Variants in KCNIP4 observed in about 807,000 individuals in gnomAD.
KCNIP4 encodes the protein Kv channel-interacting protein 4.
KCNIP4 carries 12 observed loss-of-function variants against 34.0 expected under a neutral mutation model. The ratio of observed to expected loss-of-function variants is 0.35; its 90% CI spans 0.23 to 0.57. The LOEUF (loss-of-function observed/expected upper bound fraction) is 0.57. Ranked by LOEUF, KCNIP4 falls within the 20% of genes least tolerant of loss-of-function variation. KCNIP4 has a pLI of 0.83. For missense variants in KCNIP4, 238 were observed against 311.7 expected (o/e 0.76, Z 1.78); for synonymous variants, 124 against 102.2 (o/e 1.21, Z -1.29).
chr4:20,853,525 A>G (rs2149486683), intron 2 of KCNIP4, among the ~76,000 whole-genome samples: 2 of 152,352 alleles, frequency 1.3e-5, no homozygotes, highest in African/African-American at 4.8e-5. Context: ...CTAAGACCAG[A>G]TACTGTAAAA....
chr4:21,753,920 C>T (rs1020694264), intron 1 of KCNIP4, among the ~76,000 whole-genome samples: 1 of 152,128 alleles, frequency 6.6e-6, no homozygotes, highest in Admixed American at 6.5e-5. Flanking sequence ...TACTGACCCC[C>T]TCCTCCTACT....
intron 1 of KCNIP4, among the ~76,000 whole-genome samples, chr4:21,004,826 T>C (rs1305876105): frequency 6.6e-6 from 1 of 152,098 alleles, no homozygotes; most frequent in East Asian, 1.9e-4. Context: ...AGCTGCAGAA[T>C]TGAAACAGGT....
At chr4:21,465,929 C>T (rs1729889562) in intron 1 of KCNIP4, among the ~76,000 whole-genome samples, 1 of 152,196 alleles carries the variant, frequency 6.6e-6, no homozygotes, top group Admixed American at 6.6e-5. Flanking sequence ...CGTGTATACT[C>T]TTCCCTGGAG....
chr4:20,984,225 C>G (rs1353677579), intron 1 of KCNIP4, among the ~76,000 whole-genome samples: 1 of 152,222 alleles, frequency 6.6e-6, no homozygotes, highest in Non-Finnish European at 1.5e-5. Flanking sequence ...GACTTCAGAG[C>G]TGCGAGGGAA....
chr4:21,064,585 C>T (rs1744192027), intron 1 of KCNIP4, among the ~76,000 whole-genome samples: 1 of 152,030 alleles, frequency 6.6e-6, no homozygotes, highest in Non-Finnish European at 1.5e-5. Context: ...TTGGAGTATA[C>T]ACCTCTGAAG....
chr4:21,906,812 T>G (rs1302630672), intron 1 of KCNIP4, among the ~76,000 whole-genome samples: 1 of 152,186 alleles, frequency 6.6e-6, no homozygotes, highest in Non-Finnish European at 1.5e-5. Context: ...TGTGTACATC[T>G]TTTTACATAC....
At chr4:21,461,180 T>G (rs770615723) in intron 1 of KCNIP4, among the ~76,000 whole-genome samples, 1 of 152,080 alleles carries the variant, frequency 6.6e-6, no homozygotes, top group African/African-American at 2.4e-5. Flanking sequence ...TCTCATGAGA[T>G]CTGGCTGTTT....
intron 1 of KCNIP4, among the ~76,000 whole-genome samples, chr4:21,367,519 A>G (rs1719910275): frequency 6.7e-6 from 1 of 148,566 alleles, no homozygotes; most frequent in Non-Finnish European, 1.5e-5. Flanking sequence ...GGAAGATCAA[A>G]ACCAAGGCTG....
intron 1 of KCNIP4, among the ~76,000 whole-genome samples, chr4:20,931,194 CACAG>C (rs1730434094): frequency 6.6e-6 from 1 of 150,602 alleles, no homozygotes; most frequent in Admixed American, 6.7e-5. Context: ...CACACACACA[CACAG>C]ACACACACAC....
intron 3 of KCNIP4, among the ~76,000 whole-genome samples, chr4:20,823,909 C>G (rs1167997816): frequency 6.6e-6 from 1 of 152,074 alleles, no homozygotes; most frequent in Non-Finnish European, 1.5e-5. Context: ...TAATAAATTC[C>G]AGAGTATGGG....
chr4:21,934,342 G>C (rs1729731741), intron 1 of KCNIP4, among the ~76,000 whole-genome samples: 1 of 151,886 alleles, frequency 6.6e-6, no homozygotes. Context: ...GGCCCTGCAG[G>C]TTACTTTCAT....
chr4:20,948,412 A>C (rs1732424672), intron 1 of KCNIP4, among the ~76,000 whole-genome samples: 1 of 152,248 alleles, frequency 6.6e-6, no homozygotes, highest in Non-Finnish European at 1.5e-5. Context: ...TGCAGGACCT[A>C]GAGCTCAGCC....
intron 1 of KCNIP4, among the ~76,000 whole-genome samples, chr4:21,039,932 C>A (rs1372112877): frequency 6.6e-6 from 1 of 152,170 alleles, no homozygotes; most frequent in Non-Finnish European, 1.5e-5. Flanking sequence ...AATTGACTCA[C>A]AGTTCCTCAT....
At chr4:21,855,776 G>C (rs1254944922) in intron 1 of KCNIP4, 1 of 152,050 alleles carries the variant, frequency 6.6e-6, no homozygotes, top group African/African-American at 2.4e-5. Context: ...AATCCATCTG[G>C]ACAGTCTGAA....
At position 20,743,565 on chromosome 4, in the gene KCNIP4, A is replaced by G. The variant is rs562522447; in HGVS notation, c.429+6097T>C. Among the ~76,000 whole-genome samples the G allele has an allele frequency of 1.1e-4, 16 of 152,356 alleles. No homozygotes were observed. In the East Asian group the frequency reaches 1.3e-3, roughly 13 times the overall value. On this transcript the variant is annotated intron_variant, in intron 5 of 8. Coordinates refer to ENST00000382152, the MANE Select transcript of KCNIP4 (RefSeq NM_025221.6). ...ATGGTGCTGGGAAAACTGGCTAGCC[A>G]TATGTAGAAAGCTGAAACTGGATCC...
At chr4:21,169,685 T>TGC (rs1408202215) in intron 1 of KCNIP4, among the ~76,000 whole-genome samples, 1 of 151,432 alleles carries the variant, frequency 6.6e-6, no homozygotes, top group Non-Finnish European at 1.5e-5. Context: ...TGTGTGTGTG[T>TGC]GTGTGTGTGT....
At chr4:20,753,545 G>T (rs1197875733) in intron 4 of KCNIP4, among the ~76,000 whole-genome samples, 1 of 152,134 alleles carries the variant, frequency 6.6e-6, no homozygotes, top group Admixed American at 6.5e-5. Flanking sequence ...CCCCAGGTTT[G>T]TAGAATGAAA....
chr4:21,897,086 T>C (rs548516093), intron 1 of KCNIP4, among the ~76,000 whole-genome samples: 10 of 152,212 alleles, frequency 6.6e-5, no homozygotes, highest in African/African-American at 1.2e-4. Context: ...TTTGGTGGTA[T>C]TTTTGTGTAA....
chr4:21,874,560 T>C (rs535883244), intron 1 of KCNIP4, among the ~76,000 whole-genome samples: 86 of 152,312 alleles, frequency 5.6e-4, no homozygotes, highest in African/African-American at 2.1e-3. Flanking sequence ...CCTGCAGTGA[T>C]AGCCACAGCT....
Sources: gnomAD v4.1 joint callset for allele counts (sites outside exome capture counted in the v4.1 genomes callset) on GRCh38, gnomAD v4.1.1 for gene constraint, MANE v1.5 for transcripts, NCBI Gene and HGNC (gene_info 2026-07-23, HGNC 2026-07-21) for gene names.